Variants in RPGR observed in about 807,000 individuals in gnomAD.
RPGR encodes the protein X-linked retinitis pigmentosa GTPase regulator.
Under a neutral mutation model 56.3 loss-of-function variants are expected in RPGR, and 10 were observed. The ratio of observed to expected loss-of-function variants is 0.18; its 90% CI spans 0.11 to 0.30. The LOEUF (loss-of-function observed/expected upper bound fraction) is 0.30. Ranked by LOEUF, RPGR falls within the 10% of genes least tolerant of loss-of-function variation. The pLI is 1.00. For missense variants in RPGR, 538 were observed against 590.9 expected, an observed-to-expected ratio of 0.91 and a Z score of 0.93; for synonymous variants, 197 against 212.9, an observed-to-expected ratio of 0.93 and a Z score of 0.65.
At chrX:38,314,737 G>A (rs747086835) in intron 6 of RPGR, among the ~76,000 whole-genome samples, 15 of 111,462 alleles carry the variant, frequency 1.3e-4, no homozygotes, top group Non-Finnish European at 2.6e-4. Flanking sequence ...TTTAAAACAC[G>A]AACATGAGCA....
In RPGR at chrX:38,319,832, TTA is replaced by T. The variant is rs1369094166; in HGVS notation, c.311-847_311-846del. Among the ~76,000 whole-genome samples the T allele has an allele frequency of 4.4e-5, 5 of 112,737 alleles. No individual in the cohort carries two copies. In the East Asian group the frequency reaches 1.4e-3, roughly 31 times the overall value. Reference sequence around the variant, plus strand: ...TGAAGATTTGTAACACATAAATTAGTTATGTCATAAATATATAAATGAAGTTA... The same window carrying T: ...TGAAGATTTGTAACACATAAATTAGTTGTCATAAATATATAAATGAAGTTA... On this transcript the variant is annotated intron_variant, in intron 4 of 18. Transcript: ENST00000642395.
At chrX:38,287,439 C>T in intron 14 of RPGR, 194 bp from the exon 15 acceptor site, 1 of 637,280 alleles carries the variant, frequency 1.6e-6, no homozygotes, top group Non-Finnish European at 2.6e-6. Context: ...CAGCTATACC[C>T]TGTTGACTCT....
chrX:38,311,887 T>C (rs1381747892), intron 6 of RPGR, among the ~76,000 whole-genome samples: 1 of 111,903 alleles, frequency 8.9e-6, no homozygotes, highest in Non-Finnish European at 1.9e-5. Flanking sequence ...TAAGAAAACA[T>C]GCCCTGTGTG....
At chrX:38,303,513 G>A (rs1055976258) in intron 8 of RPGR, 7 of 237,631 alleles carry the variant, frequency 2.9e-5, no homozygotes, top group Non-Finnish European at 3.7e-5. Flanking sequence ...ATTAGTGGAA[G>A]ATTAGAGTTG....
chrX:38,312,336 A>G (rs746789561), intron 6 of RPGR, among the ~76,000 whole-genome samples: 26 of 111,389 alleles, frequency 2.3e-4, no homozygotes, highest in Admixed American at 1.4e-3. Context: ...ATTTCTGTCT[A>G]TAGATTCCTG....
intron 15 of RPGR, among the ~76,000 whole-genome samples, chrX:38,280,284 A>C (rs1169915180): frequency 1.8e-5 from 2 of 111,937 alleles, no homozygotes; most frequent in Non-Finnish European, 3.8e-5. Flanking sequence ...GACTGTCGAA[A>C]AACAGTAAGT....
chrX:38,292,386 A>C (rs1038930351), intron 11 of RPGR, among the ~76,000 whole-genome samples: 6 of 112,737 alleles, frequency 5.3e-5, no homozygotes, highest in Non-Finnish European at 5.6e-5. Context: ...CATAAAGTAG[A>C]TAATTAAAAG....
chrX:38,304,835 A>T, intron 7 of RPGR, 45 bp from the exon 8 acceptor site: 1 of 1,134,428 alleles, frequency 8.8e-7, no homozygotes. Flanking sequence ...ATGGAAGCAG[A>T]CACTGTTACC....
chrX:38,292,102 T>C (rs772334629), intron 11 of RPGR, among the ~76,000 whole-genome samples: 15 of 110,577 alleles, frequency 1.4e-4, no homozygotes, highest in African/African-American at 4.9e-4. Flanking sequence ...CCAATGGCCA[T>C]GTGAATGAGC....
At chrX:38,321,425 G>T (rs1183087802) in intron 3 of RPGR, among the ~76,000 whole-genome samples, 1 of 111,529 alleles carries the variant, frequency 9.0e-6, no homozygotes, top group Non-Finnish European at 1.9e-5. Flanking sequence ...GGCCAGGACA[G>T]GCAGATGGCT....
chrX:38,321,376 C>T (rs2067937316), intron 3 of RPGR, among the ~76,000 whole-genome samples: 1 of 111,448 alleles, frequency 9.0e-6, no homozygotes, highest in African/African-American at 3.3e-5. Context: ...ATAAACTCCA[C>T]AGGTAGGCCG....
intron 15 of RPGR, among the ~76,000 whole-genome samples, chrX:38,281,374 A>T (rs777520068): frequency 8.9e-6 from 1 of 112,445 alleles, no homozygotes; most frequent in South Asian, 3.7e-4. Context: ...ACACACTTTA[A>T]ATATTTAGGG....
intron 1 of RPGR, chrX:38,325,783 T>A (rs2068038030): frequency 9.0e-6 from 1 of 111,511 alleles, no homozygotes; most frequent in East Asian, 2.8e-4. Flanking sequence ...CTGATCTGAG[T>A]AGTATTCACA....
At chrX:38,285,743 T>C (rs2067115757) in intron 15 of RPGR, 2 of 1,208,901 alleles carry the variant, frequency 1.7e-6, no homozygotes, top group Non-Finnish European at 2.2e-6. Flanking sequence ...CTCACTTTTT[T>C]GTACTCCTCT....
chrX:38,279,026 A>G (rs920521338), intron 15 of RPGR: 1 of 252,456 alleles, frequency 4.0e-6, no homozygotes, highest in Admixed American at 5.4e-5. Context: ...TTTTGGAACT[A>G]TATCATTTTC....
chrX:38,273,498 A>AAT, intron 17 of RPGR: 1 of 1,124,547 alleles, frequency 8.9e-7, no homozygotes. Flanking sequence ...ATCATTCAGA[A>AAT]ATACTAGTTT....
chrX:38,294,958 G>A (rs2067349793), intron 11 of RPGR, among the ~76,000 whole-genome samples: 1 of 111,999 alleles, frequency 8.9e-6, no homozygotes, highest in African/African-American at 3.2e-5. Context: ...TCTATATGGA[G>A]GTAGAAGTGA....
At position 38,287,703 on chromosome X, in the gene RPGR, T is replaced by C. The variant is rs780938393; in HGVS notation, c.1753+158A>G. Reference sequence around the variant, plus strand: ...CCTTCTCACTGTCTATTTCTTCTGCTTCTGATTCCTTCTGACTGTGTCCTC... The same window carrying C: ...CCTTCTCACTGTCTATTTCTTCTGCCTCTGATTCCTTCTGACTGTGTCCTC... On this transcript the variant is annotated intron_variant, in intron 14 of 18. Transcript: ENST00000642395. The C allele has an allele frequency of 3.4e-5, 19 of 551,730 alleles. No individual in the cohort carries two copies. The East Asian group carries it at 6.0e-4, about 17-fold the overall frequency. The allele number at this position is 551,730 out of a possible 1,213,427, so 45.5% of individuals were successfully genotyped here.
chrX:38,278,366 G>A (rs947768653), intron 15 of RPGR, among the ~76,000 whole-genome samples: 5 of 111,709 alleles, frequency 4.5e-5, no homozygotes, highest in African/African-American at 9.8e-5. Context: ...TCAGCCTCCC[G>A]AGTAGCTGGG....
Sources: gnomAD v4.1 joint callset for allele counts (sites outside exome capture counted in the v4.1 genomes callset) on GRCh38, gnomAD v4.1.1 for gene constraint, MANE v1.5 for transcripts, NCBI Gene and HGNC (gene_info 2026-07-23, HGNC 2026-07-21) for gene names.